The following CAMK4 variants were observed in gnomAD, a reference collection of about 807,000 sequenced individuals.
CAMK4 encodes the protein calcium/calmodulin dependent protein kinase IV.
In CAMK4, 22 loss-of-function variants were observed where a neutral mutation model predicts 44.9. The observed-to-expected ratio is 0.49, with a 90% CI of 0.35 to 0.70. The LOEUF is 0.70. Among genes scored for constraint, CAMK4 ranks in the 30% least tolerant of loss-of-function variants. The probability of loss-of-function intolerance (pLI) is 0.01; values close to 1 mark genes in which losing one functional copy is unlikely to be tolerated. For synonymous variants in CAMK4, 218 were observed against 215.4 expected, an observed-to-expected ratio of 1.01 and a Z score of -0.11; for missense variants, 498 against 586.8, an observed-to-expected ratio of 0.85 and a Z score of 1.56.
chr5:111,396,631 C>CTTTTTTTTTTTT (rs540495109), intron 5 of CAMK4, among the ~76,000 whole-genome samples: 788 of 47,034 alleles, frequency 0.017, 204 homozygotes, highest in Non-Finnish European at 0.02. Context: ...AACTCATATT[C>CTTTTTTTTTTTT]TTTTTTTTTT....
intron 1 of CAMK4, among the ~76,000 whole-genome samples, chr5:111,258,894 A>G (rs1189990397): frequency 6.6e-6 from 1 of 152,092 alleles, no homozygotes; most frequent in Non-Finnish European, 1.5e-5. Flanking sequence ...AAAAGTAAAC[A>G]ACTCAATCTA....
intron 2 of CAMK4, among the ~76,000 whole-genome samples, chr5:111,361,407 G>A (rs951808155): frequency 1.3e-5 from 2 of 151,832 alleles, no homozygotes; most frequent in African/African-American, 4.8e-5. Context: ...ATAAATCATT[G>A]TTGTTTGATT....
At chr5:111,372,792 A>T (rs1751059950) in intron 2 of CAMK4, among the ~76,000 whole-genome samples, 2 of 152,152 alleles carry the variant, frequency 1.3e-5, no homozygotes, top group Admixed American at 1.3e-4. Flanking sequence ...CTGGGTTAGC[A>T]CTGGATGTAT....
At chr5:111,325,245 T>C (rs556044532) in intron 1 of CAMK4, among the ~76,000 whole-genome samples, 1 of 152,252 alleles carries the variant, frequency 6.6e-6, no homozygotes, top group African/African-American at 2.4e-5. Context: ...CCACATTTTC[T>C]TTATCCAGTC....
At chr5:111,334,017 G>T (rs1247222333) in intron 1 of CAMK4, among the ~76,000 whole-genome samples, 1 of 151,522 alleles carries the variant, frequency 6.6e-6, no homozygotes, top group East Asian at 2.0e-4. Context: ...CTTGCTTTCT[G>T]CAGGATTCAG....
intron 1 of CAMK4, among the ~76,000 whole-genome samples, chr5:111,284,703 G>A (rs563839188): frequency 1.3e-5 from 2 of 152,316 alleles, no homozygotes; most frequent in South Asian, 2.1e-4. Flanking sequence ...AGAGCTATCC[G>A]AGAGCGTTAT....
At chr5:111,245,144 C>A (rs972483195) in intron 1 of CAMK4, among the ~76,000 whole-genome samples, 1 of 152,032 alleles carries the variant, frequency 6.6e-6, no homozygotes, top group Non-Finnish European at 1.5e-5. Context: ...TACTTTTTTA[C>A]AGTTGGGGAC....
chr5:111,397,673 G>GTGTA (rs1752070377), intron 5 of CAMK4, among the ~76,000 whole-genome samples: 1 of 132,006 alleles, frequency 7.6e-6, no homozygotes, highest in African/African-American at 3.0e-5. Flanking sequence ...GTGTGTGTGT[G>GTGTA]TGTGTGTGTG....
intron 7 of CAMK4, among the ~76,000 whole-genome samples, chr5:111,459,250 G>T (rs1754548657): frequency 6.6e-6 from 1 of 152,170 alleles, no homozygotes; most frequent in African/African-American, 2.4e-5. Context: ...AGTAGAGGAA[G>T]CTCCACAAGG....
At chr5:111,380,764 T>A (rs957329361) in intron 4 of CAMK4, among the ~76,000 whole-genome samples, 1 of 152,218 alleles carries the variant, frequency 6.6e-6, no homozygotes, top group Non-Finnish European at 1.5e-5. Context: ...TAAAAGGTTT[T>A]AGAATTTGAG....
At chr5:111,314,856 G>C (rs77881496) in intron 1 of CAMK4, among the ~76,000 whole-genome samples, 26 of 152,034 alleles carry the variant, frequency 1.7e-4, no homozygotes, top group African/African-American at 6.0e-4. Context: ...AACTACAAAG[G>C]CTTTCTTAAT....
intron 1 of CAMK4, among the ~76,000 whole-genome samples, chr5:111,291,594 C>T (rs1747261337): frequency 2.0e-5 from 3 of 152,312 alleles, no homozygotes; most frequent in African/African-American, 7.2e-5. Flanking sequence ...TCAGTGCTTA[C>T]TGCAGCCTTG....
intron 5 of CAMK4, among the ~76,000 whole-genome samples, chr5:111,404,658 A>G (rs1369722205): frequency 6.6e-6 from 1 of 152,108 alleles, no homozygotes; most frequent in Non-Finnish European, 1.5e-5. Context: ...TAAGATCTCT[A>G]TTTTAACACG....
At chr5:111,338,304 T>A (rs879339493) in intron 1 of CAMK4, among the ~76,000 whole-genome samples, 7 of 151,174 alleles carry the variant, frequency 4.6e-5, no homozygotes, top group Non-Finnish European at 8.9e-5. Context: ...ACTATATTAT[T>A]AAGAGCTCTT....
chr5:111,369,150 C>T, intron 2 of CAMK4, among the ~76,000 whole-genome samples: 1 of 151,654 alleles, frequency 6.6e-6, no homozygotes, highest in Admixed American at 6.6e-5. Flanking sequence ...ACTGCAACCT[C>T]CACCTCCTGG....
In CAMK4 at chr5:111,484,125, C is replaced by T. The variant is rs756467199; in HGVS notation, c.1081C>T (p.Pro361Ser). Residue 361 changes from proline (P) to serine (S), a missense_variant, in exon 11 of 11, where the codon CCA becomes TCA. Physicochemically the swap from Pro to Ser is moderately conservative, Grantham distance 74 (BLOSUM62 -1). Coordinates refer to ENST00000282356, the MANE Select transcript of CAMK4 (RefSeq NM_001744.6). The surrounding 1 kb of genome is among the most constrained non-coding windows in gnomAD (Gnocchi z 5.3). ...ESHKASRDPSPIQDGNEDMKA... is the reference protein window; with the variant it reads ...ESHKASRDPSSIQDGNEDMKA... ...CCACAAGGCTAGCCGAGACCCTTCT[C>T]CAATCCAAGATGGCAACGAGGACAT... 6.1e-5 allele frequency: 99 copies of T among 1,614,036 alleles called. No individual in the cohort carries two copies. The highest frequency in any genetic ancestry group is 8.2e-5 in the Non-Finnish European group (97 of 1,180,040).
intron 4 of CAMK4, among the ~76,000 whole-genome samples, chr5:111,382,613 A>G (rs1362343806): frequency 6.6e-6 from 1 of 152,168 alleles, no homozygotes; most frequent in African/African-American, 2.4e-5. Context: ...GATACTATTT[A>G]ATCATTAGAG....
At chr5:111,240,090 A>G (rs1218612499) in intron 1 of CAMK4, among the ~76,000 whole-genome samples, 1 of 152,192 alleles carries the variant, frequency 6.6e-6, no homozygotes, top group East Asian at 1.9e-4. Flanking sequence ...TTCTTTCTGT[A>G]TAATTTTTAG....
At chr5:111,430,201 A>T (rs1392635636) in intron 5 of CAMK4, among the ~76,000 whole-genome samples, 1 of 152,206 alleles carries the variant, frequency 6.6e-6, no homozygotes, top group Non-Finnish European at 1.5e-5. Flanking sequence ...ATATCAACAG[A>T]ATGAGGGAAA....
Sources: allele counts gnomAD v4.1 joint callset (sites outside exome capture counted in the v4.1 genomes callset), GRCh38; gene constraint gnomAD v4.1.1; non-coding constraint Gnocchi (gnomAD v3.1); transcripts MANE v1.5; gene names NCBI Gene and HGNC (gene_info 2026-07-23, HGNC 2026-07-21).